The following SRGAP2C variants were observed in gnomAD, a reference collection of about 807,000 sequenced individuals.
SRGAP2C encodes SLIT-ROBO Rho GTPase activating protein 2C.
Under a neutral mutation model 25.1 loss-of-function variants are expected in SRGAP2C, and 15 were observed. That is an observed-to-expected ratio of 0.60 (90% CI 0.40 to 0.92). The LOEUF (loss-of-function observed/expected upper bound fraction) is 0.92, where lower values mean the gene tolerates loss of function less well. SRGAP2C is among the 40% of genes least tolerant of loss of function. SRGAP2C has a pLI of 0.00. For missense variants in SRGAP2C, 144 were observed against 264.4 expected, an observed-to-expected ratio of 0.54 and a Z score of 3.16; for synonymous variants, 44 against 96.6, an observed-to-expected ratio of 0.46 and a Z score of 3.19.
chr1:121,273,794 G>C (rs1234577629), intron 2 of SRGAP2C, among the ~76,000 whole-genome samples: 1 of 151,802 alleles, frequency 6.6e-6, no homozygotes, highest in African/African-American at 2.4e-5. Context: ...TGTACTTGTT[G>C]TTGACATGAC....
intron 8 of SRGAP2C, among the ~76,000 whole-genome samples, chr1:121,385,076 A>G (rs1377850498): frequency 6.6e-6 from 1 of 151,610 alleles, no homozygotes; most frequent in African/African-American, 2.4e-5. Flanking sequence ...CTCTGCAGCC[A>G]GTCTATCCCC....
chr1:121,261,163 G>A (rs1570745460), intron 2 of SRGAP2C, among the ~76,000 whole-genome samples: 4 of 43,680 alleles, frequency 9.2e-5, no homozygotes, highest in African/African-American at 2.8e-4. Context: ...GGCTGGTCTC[G>A]AACCCCTGGA....
At chr1:121,303,551 T>C (rs1657746531) in intron 3 of SRGAP2C, among the ~76,000 whole-genome samples, 1 of 150,930 alleles carries the variant, frequency 6.6e-6, no homozygotes, top group Admixed American at 6.6e-5. Flanking sequence ...TTGCTTTTAG[T>C]GGGAAATGGT....
chr1:121,350,750 C>T (rs587759343), intron 4 of SRGAP2C, among the ~76,000 whole-genome samples: 1 of 151,926 alleles, frequency 6.6e-6, no homozygotes, highest in African/African-American at 2.4e-5. Context: ...ATAAATTGAA[C>T]TTCATCAAAG....
At position 121,280,271 on chromosome 1, in the gene SRGAP2C, A is replaced by G. The variant is rs1255138515; in HGVS notation, c.68-4532A>G. On this transcript the variant is annotated intron_variant, in intron 2 of 9. Transcript: ENST00000367123. ...AATTTTTATTCAAGTGTCATTTTTA[A>G]AAAAACATAATAAGAAAAAATGATA... Among the ~76,000 whole-genome samples the G allele has an allele frequency of 3.5e-3, 520 of 150,654 alleles. 4 individuals are homozygous for G. The highest frequency in any genetic ancestry group is 0.012 in the African/African-American group (494 of 41,152).
intron 3 of SRGAP2C, among the ~76,000 whole-genome samples, chr1:121,307,378 T>C (rs1467544540): frequency 1.3e-5 from 2 of 151,660 alleles, no homozygotes; most frequent in Admixed American, 6.6e-5. Flanking sequence ...AATCCCACAG[T>C]TTGTAAAACA....
chr1:121,271,288 A>G (rs1426640620), intron 2 of SRGAP2C, among the ~76,000 whole-genome samples: 1 of 147,736 alleles, frequency 6.8e-6, no homozygotes, highest in Non-Finnish European at 1.5e-5. Context: ...AAGGAAGACG[A>G]AACTAAGAGA....
chr1:121,337,492 C>A (rs1429213666), intron 4 of SRGAP2C, among the ~76,000 whole-genome samples: 4 of 149,494 alleles, frequency 2.7e-5, no homozygotes, highest in African/African-American at 5.0e-5. Flanking sequence ...ATTAGCCAGG[C>A]GTCGTGGTGT....
At chr1:121,365,916 AGGCTGCG>A (rs1659306594) in intron 5 of SRGAP2C, among the ~76,000 whole-genome samples, 1 of 145,868 alleles carries the variant, frequency 6.9e-6, no homozygotes, top group Non-Finnish European at 1.5e-5. Context: ...GTGACGAGGC[AGGCTGCG>A]GGCTTGAAGA....
rs1394235705 is a variant in SRGAP2C, at chr1:121,195,277, G to C, written c.67+7764G>C. Among the ~76,000 whole-genome samples, 3 of 151,986 alleles carry C rather than the reference G, an allele frequency of 2.0e-5. No individual in the cohort carries two copies. The East Asian group carries it at 5.8e-4, about 29-fold the overall frequency. On this transcript the variant is annotated intron_variant, in intron 2 of 9. Transcript: ENST00000367123. The stretch of plus-strand genomic sequence containing the variant: ...ATACAAAAATTAGTTGGGCGTGGTG[G>C]TGGGTGCCTGTAATCCCAGCTACTC...
chr1:121,201,479 GT>G (rs1316845604), intron 2 of SRGAP2C, among the ~76,000 whole-genome samples: 1 of 151,856 alleles, frequency 6.6e-6, no homozygotes, highest in African/African-American at 2.4e-5. Flanking sequence ...TAGCAAAAGA[GT>G]TAATCATTAA....
intron 2 of SRGAP2C, among the ~76,000 whole-genome samples, chr1:121,236,286 G>A (rs1204897309): frequency 6.6e-6 from 1 of 151,758 alleles, no homozygotes; most frequent in Non-Finnish European, 1.5e-5. Context: ...AAACCACCAT[G>A]TAGTTCTGCC....
At chr1:121,264,553 G>A (rs1486090112) in intron 2 of SRGAP2C, among the ~76,000 whole-genome samples, 2 of 123,900 alleles carry the variant, frequency 1.6e-5, no homozygotes, top group African/African-American at 3.0e-5. Context: ...GAATTTCTTC[G>A]ATTATTTCGG....
At chr1:121,228,287 TG>T (rs1363962968) in intron 2 of SRGAP2C, among the ~76,000 whole-genome samples, 6 of 149,786 alleles carry the variant, frequency 4.0e-5, no homozygotes, top group Non-Finnish European at 8.9e-5. Context: ...TTTATGAGCC[TG>T]GCTTACCTGG....
rs1376785904 is a variant in SRGAP2C, at chr1:121,282,808, T to A, written c.68-1995T>A. Among the ~76,000 whole-genome samples the A allele has an allele frequency of 4.0e-5, 6 of 148,808 alleles. No individual in the cohort carries two copies. The East Asian group carries it at 1.2e-3, about 30-fold the overall frequency. On this transcript the variant is annotated intron_variant, in intron 2 of 9. Transcript: ENST00000367123. ...CTTCTGACCTTGTGATCCGCCCGCCTCGGCCTCCCAAAGTGCTGGGATTAC... is the reference window on the plus strand; with the variant it reads ...CTTCTGACCTTGTGATCCGCCCGCCACGGCCTCCCAAAGTGCTGGGATTAC...
intron 4 of SRGAP2C, among the ~76,000 whole-genome samples, chr1:121,347,812 C>A (rs1358711874): frequency 6.6e-6 from 1 of 151,018 alleles, no homozygotes; most frequent in Admixed American, 6.6e-5. Context: ...CCTGCAGCTC[C>A]ACACATGCCA....
chr1:121,191,797 C>G (rs1654686620), intron 2 of SRGAP2C, among the ~76,000 whole-genome samples: 1 of 149,198 alleles, frequency 6.7e-6, no homozygotes, highest in Non-Finnish European at 1.5e-5. Context: ...TTGAGATTGA[C>G]AGTTCATGCA....
intron 4 of SRGAP2C, among the ~76,000 whole-genome samples, chr1:121,359,636 TACACATCTGTCG>T (rs1553348170): frequency 6.6e-6 from 1 of 152,138 alleles, no homozygotes; most frequent in African/African-American, 2.4e-5. Context: ...AGCGTGTTGG[TACACATCTGTCG>T]TCCCAGCTAC....
chr1:121,310,635 C>G (rs1657960689), intron 3 of SRGAP2C, among the ~76,000 whole-genome samples: 2 of 73,614 alleles, frequency 2.7e-5, no homozygotes, highest in Admixed American at 2.9e-4. Flanking sequence ...TTTCAGCTTT[C>G]TACATATGGC....
Sources: gnomAD v4.1 joint callset for allele counts (sites outside exome capture counted in the v4.1 genomes callset) on GRCh38, gnomAD v4.1.1 for gene constraint, MANE v1.5 for transcripts, NCBI Gene and HGNC (gene_info 2026-07-23, HGNC 2026-07-21) for gene names.